REDIC1: variants seen among roughly 807,000 people sequenced by gnomAD.
The protein encoded by REDIC1 is regulator of DNA class I crossover intermediates 1, also known as HEI10 Interacting Protein 1.
At chr12:39,843,333 C>A in the REDIC1 span, among the ~76,000 whole-genome samples, 3 of 151,884 alleles carry the variant, frequency 2.0e-5, no homozygotes, top group African/African-American at 7.2e-5. Flanking sequence ...TGGGCATCAC[C>A]AAAGGAGAAG....
chr12:39,825,979 T>C, the REDIC1 span, among the ~76,000 whole-genome samples: 3 of 152,182 alleles, frequency 2.0e-5, no homozygotes, highest in Admixed American at 2.0e-4. Flanking sequence ...CCAGCTAAAC[T>C]AGAAGGGGTG....
the REDIC1 span, among the ~76,000 whole-genome samples, chr12:39,688,506 G>T: frequency 1.1e-3 from 171 of 152,264 alleles, 4 homozygotes; most frequent in East Asian, 0.029. Flanking sequence ...ATGATAAAGG[G>T]TGCAGGAGTG....
At chr12:39,903,201 T>C in the REDIC1 span, among the ~76,000 whole-genome samples, 3 of 152,126 alleles carry the variant, frequency 2.0e-5, no homozygotes, top group Admixed American at 2.0e-4. Context: ...GAATATTACA[T>C]CTATCCTATG....
chr12:39,696,842 T>A, the REDIC1 span, among the ~76,000 whole-genome samples: 2 of 152,086 alleles, frequency 1.3e-5, no homozygotes, highest in African/African-American at 2.4e-5. Context: ...AAAGAATTAG[T>A]GAGCTTGAAA....
chr12:39,851,582 T>A, the REDIC1 span, among the ~76,000 whole-genome samples: 1 of 152,172 alleles, frequency 6.6e-6, no homozygotes, highest in African/African-American at 2.4e-5. Flanking sequence ...AACATTATCA[T>A]CCATGCTAAA....
the REDIC1 span, among the ~76,000 whole-genome samples, chr12:39,890,060 A>ACC: frequency 2.0e-5 from 3 of 152,186 alleles, no homozygotes; most frequent in Non-Finnish European, 4.4e-5. Flanking sequence ...AAACCCGATA[A>ACC]TCTGTAAAAT....
chr12:39,808,556 C>A, the REDIC1 span, among the ~76,000 whole-genome samples: 1 of 152,074 alleles, frequency 6.6e-6, no homozygotes, highest in East Asian at 1.9e-4. Context: ...AATTTACATT[C>A]CCATTAACAT....
At chr12:39,788,083 A>T in the REDIC1 span, among the ~76,000 whole-genome samples, 2 of 152,134 alleles carry the variant, frequency 1.3e-5, no homozygotes, top group African/African-American at 4.8e-5. Flanking sequence ...GGGTATATAA[A>T]CAAAAATTAT....
At chr12:39,669,812 C>G in the REDIC1 span, among the ~76,000 whole-genome samples, 1 of 152,152 alleles carries the variant, frequency 6.6e-6, no homozygotes, top group African/African-American at 2.4e-5. Context: ...GCTGTGCTAG[C>G]TATGAGTGAG....
chr12:39,749,616 T>C, the REDIC1 span, among the ~76,000 whole-genome samples: 2 of 148,098 alleles, frequency 1.4e-5, no homozygotes, highest in Non-Finnish European at 3.0e-5. Flanking sequence ...AGACACAACA[T>C]AAGAGAATTT....
the REDIC1 span, among the ~76,000 whole-genome samples, chr12:39,776,936 G>A: frequency 1.3e-5 from 2 of 151,972 alleles, no homozygotes; most frequent in East Asian, 3.8e-4. Context: ...ATTCCTATGG[G>A]TTTTTTCTTT....
chr12:39,699,743 T>C, the REDIC1 span, among the ~76,000 whole-genome samples: 1 of 152,156 alleles, frequency 6.6e-6, no homozygotes, highest in African/African-American at 2.4e-5. Flanking sequence ...CAGCTAGAGA[T>C]CTGAGAACAG....
the REDIC1 span, among the ~76,000 whole-genome samples, chr12:39,712,126 C>G: frequency 0.21 from 12,830 of 62,560 alleles, 819 homozygotes; most frequent in Middle Eastern, 0.28. Context: ...GTATATATAC[C>G]TGTATGTACA....
At chr12:39,751,917 G>C in the REDIC1 span, among the ~76,000 whole-genome samples, 2 of 152,174 alleles carry the variant, frequency 1.3e-5, no homozygotes, top group Non-Finnish European at 2.9e-5. Flanking sequence ...TGGGGAGAAG[G>C]GGGAGGGAAA....
chr12:39,832,398 G>A, the REDIC1 span, among the ~76,000 whole-genome samples: 27 of 152,090 alleles, frequency 1.8e-4, no homozygotes, highest in East Asian at 3.3e-3. Flanking sequence ...TTATTTCTCC[G>A]AAAATATGTA....
At chr12:39,762,019 A>T in the REDIC1 span, among the ~76,000 whole-genome samples, 1 of 152,078 alleles carries the variant, frequency 6.6e-6, no homozygotes, top group African/African-American at 2.4e-5. Flanking sequence ...CTTTCTTGTG[A>T]CCTGGATTCC....
chr12:39,826,158 G>A, the REDIC1 span, among the ~76,000 whole-genome samples: 1 of 151,920 alleles, frequency 6.6e-6, no homozygotes, highest in Non-Finnish European at 1.5e-5. Context: ...TTTCAGAAGT[G>A]TTCCATGTTT....
chr12:39,806,318 T>G, the REDIC1 span, among the ~76,000 whole-genome samples: 1 of 152,186 alleles, frequency 6.6e-6, no homozygotes, highest in South Asian at 2.1e-4. Flanking sequence ...CCCAACAAAT[T>G]GTAAGATATT....
the REDIC1 span, chr12:39,802,305 T>C: frequency 6.6e-6 from 1 of 152,170 alleles, no homozygotes; most frequent in South Asian, 2.1e-4. Flanking sequence ...GTGATCTGAA[T>C]GACAATAAGA....
Sources: gnomAD v4.1 joint callset for allele counts (sites outside exome capture counted in the v4.1 genomes callset) on GRCh38, gnomAD v4.1.1 for gene constraint, MANE v1.5 for transcripts, NCBI Gene and HGNC (gene_info 2026-07-23, HGNC 2026-07-21) for gene names.